KIAA0825: variants seen among roughly 807,000 people sequenced by gnomAD.
The protein encoded by KIAA0825 is KIAA0825, also known as uncharacterized protein KIAA0825.
Under a neutral mutation model 147.6 loss-of-function variants are expected in KIAA0825, and 119 were observed. The observed-to-expected ratio is 0.81, with a 90% CI of 0.69 to 0.94. KIAA0825 has a LOEUF of 0.94. KIAA0825 is among the 40% of genes least tolerant of loss of function. The probability of loss-of-function intolerance (pLI) is 0.00; values close to 1 mark genes in which losing one functional copy is unlikely to be tolerated. For missense variants in KIAA0825, 1,381 were observed against 1,472.7 expected, an observed-to-expected ratio of 0.94 and a Z score of 1.02; for synonymous variants, 470 against 518.1, an observed-to-expected ratio of 0.91 and a Z score of 1.26.
intron 20 of KIAA0825, among the ~76,000 whole-genome samples, chr5:94,330,057 G>A (rs1018595318): frequency 6.6e-6 from 1 of 152,038 alleles, no homozygotes; most frequent in Admixed American, 6.6e-5. Context: ...AGTGTATTTG[G>A]GTGATGGACA....
chr5:94,553,474 A>G (rs565079290), intron 2 of KIAA0825, among the ~76,000 whole-genome samples: 2 of 150,982 alleles, frequency 1.3e-5, no homozygotes, highest in South Asian at 2.1e-4. Context: ...TAAAAAAAAA[A>G]TATTTACGGC....
At position 94,396,388 on chromosome 5, in the gene KIAA0825, T is replaced by C; in HGVS notation, c.3009A>G (p.Lys1003=). Residue 1003 remains lysine, a synonymous_variant, in exon 17 of 21, where the codon AAA becomes AAG. Coordinates refer to ENST00000682413, the MANE Select transcript of KIAA0825 (RefSeq NM_001145678.3). ...CAGCTTTCTTCAATTCAACAAATTT[T>C]TTTGACATTTTTCTCTCAGACAGAA... ...FFFLSERKMS[K]KFVELKKAGL... is the part of the protein sequence containing the mutation. 1 of 1,550,876 alleles carries C rather than the reference T, an allele frequency of 6.4e-7. No homozygotes were observed. Among genetic ancestry groups the C allele is most frequent in the African/African-American group, 1.4e-5 (1 of 73,124 alleles).
At chr5:94,471,403 T>G in intron 9 of KIAA0825, 63 bp downstream of exon 9, 2 of 1,469,708 alleles carry the variant, frequency 1.4e-6, no homozygotes, top group Non-Finnish European at 1.8e-6. Context: ...TTCATTCCTG[T>G]GATATCCAAA....
At chr5:94,466,669 A>G (rs1303004422) in intron 10 of KIAA0825, among the ~76,000 whole-genome samples, 2 of 147,056 alleles carry the variant, frequency 1.4e-5, no homozygotes, top group East Asian at 2.1e-4. Context: ...CCCGGGAGGC[A>G]GAGCTTGCGG....
intron 1 of KIAA0825, among the ~76,000 whole-genome samples, chr5:94,613,563 T>G (rs935483262): frequency 6.6e-6 from 1 of 152,134 alleles, no homozygotes; most frequent in African/African-American, 2.4e-5. Flanking sequence ...AGAAAGTAAA[T>G]AGTCAAAAAG....
intron 20 of KIAA0825, among the ~76,000 whole-genome samples, chr5:94,220,059 T>C (rs1379030926): frequency 6.6e-6 from 1 of 152,224 alleles, no homozygotes; most frequent in Admixed American, 6.5e-5. Flanking sequence ...ACAAATACAT[T>C]GTATAGCTGT....
At chr5:94,276,362 C>T (rs544500880) in intron 20 of KIAA0825, among the ~76,000 whole-genome samples, 1 of 152,010 alleles carries the variant, frequency 6.6e-6, no homozygotes, top group African/African-American at 2.4e-5. Flanking sequence ...CTTTTTTTAA[C>T]TAATGCAGAC....
At position 94,604,662 on chromosome 5, in the gene KIAA0825, T is replaced by C. The variant is rs574360008; in HGVS notation, c.-153+13838A>G. On this transcript the variant is annotated intron_variant, in intron 1 of 20. Coordinates refer to ENST00000682413, the MANE Select transcript of KIAA0825 (RefSeq NM_001145678.3). ...TCCTGAATGACTTTTGAGTAAATAA[T>C]GAAATAAAGGCAGAAATCAAAAAGT... Among the ~76,000 whole-genome samples, 4 of 152,086 alleles carry C rather than the reference T, an allele frequency of 2.6e-5. No individual in the cohort carries two copies. The East Asian group carries it at 5.8e-4, about 22-fold the overall frequency.
chr5:94,531,394 TC>T (rs1342445234), intron 3 of KIAA0825, among the ~76,000 whole-genome samples: 1 of 152,200 alleles, frequency 6.6e-6, no homozygotes, highest in Non-Finnish European at 1.5e-5. Context: ...AGAGTCTTTT[TC>T]CCACTTACCA....
intron 20 of KIAA0825, among the ~76,000 whole-genome samples, chr5:94,176,845 G>A (rs1769148782): frequency 6.6e-6 from 1 of 152,074 alleles, no homozygotes; most frequent in African/African-American, 2.4e-5. Context: ...CATTACTGCT[G>A]AGATATGCTG....
At chr5:94,256,721 T>C in intron 20 of KIAA0825, among the ~76,000 whole-genome samples, 1 of 152,120 alleles carries the variant, frequency 6.6e-6, no homozygotes, top group Non-Finnish European at 1.5e-5. Context: ...GCCAGATTAG[T>C]GCTTATCAAC....
chr5:94,190,239 C>T (rs1445368589), intron 20 of KIAA0825, among the ~76,000 whole-genome samples: 1 of 152,128 alleles, frequency 6.6e-6, no homozygotes, highest in African/African-American at 2.4e-5. Flanking sequence ...ATCTTTACTT[C>T]TCCCTTTCTT....
intron 20 of KIAA0825, among the ~76,000 whole-genome samples, chr5:94,352,882 G>A (rs1466966664): frequency 6.6e-6 from 1 of 151,632 alleles, no homozygotes. Context: ...CTATGAGGAT[G>A]CGAAGGCATA....
chr5:94,241,759 TCCATCTCACATTC>T (rs755257923), intron 20 of KIAA0825, among the ~76,000 whole-genome samples: 13 of 152,194 alleles, frequency 8.5e-5, no homozygotes, highest in Non-Finnish European at 1.9e-4. Flanking sequence ...ACTGGAAATT[TCCATCTCACATTC>T]CCAGAACATT....
intron 20 of KIAA0825, among the ~76,000 whole-genome samples, chr5:94,362,630 C>T (rs1244525352): frequency 6.6e-6 from 1 of 152,158 alleles, no homozygotes; most frequent in African/African-American, 2.4e-5. Flanking sequence ...TATATGGTAA[C>T]TTGCATGAAC....
chr5:94,426,359 T>C (rs894067711), intron 14 of KIAA0825, among the ~76,000 whole-genome samples: 4 of 151,996 alleles, frequency 2.6e-5, no homozygotes, highest in African/African-American at 9.7e-5. Context: ...GTATGCAAAA[T>C]GGAATACTAT....
At chr5:94,386,190 A>T in intron 19 of KIAA0825, 52 bp downstream of exon 19, 3 of 1,483,276 alleles carry the variant, frequency 2.0e-6, no homozygotes, top group Admixed American at 2.4e-5. Flanking sequence ...ATTTTTTCTT[A>T]CTTGGGTAAA....
intron 2 of KIAA0825, among the ~76,000 whole-genome samples, chr5:94,566,763 G>T (rs537853451): frequency 5.2e-4 from 79 of 152,064 alleles, no homozygotes; most frequent in African/African-American, 1.9e-3. Flanking sequence ...TCTCTCTCAG[G>T]TGATAAGCTA....
At chr5:94,394,955 G>A (rs1167830037) in intron 17 of KIAA0825, among the ~76,000 whole-genome samples, 1 of 152,134 alleles carries the variant, frequency 6.6e-6, no homozygotes, top group African/African-American at 2.4e-5. Flanking sequence ...GGATTAATAT[G>A]AAGTCTTATA....
Sources: allele counts gnomAD v4.1 joint callset (sites outside exome capture counted in the v4.1 genomes callset), GRCh38; gene constraint gnomAD v4.1.1; transcripts MANE v1.5; gene names NCBI Gene and HGNC (gene_info 2026-07-23, HGNC 2026-07-21).